TSPAN14: variants seen among roughly 807,000 people sequenced by gnomAD.
TSPAN14 encodes tetraspanin-14.
In TSPAN14, 16 loss-of-function variants were observed where a neutral mutation model predicts 36.6. The ratio of observed to expected loss-of-function variants is 0.44; its 90% CI spans 0.30 to 0.66. TSPAN14 has a LOEUF of 0.66. Ranked by LOEUF, TSPAN14 falls within the 30% of genes least tolerant of loss-of-function variation. The pLI is 0.12. For missense variants in TSPAN14, 231 were observed against 355.1 expected (o/e 0.65, Z 2.81); for synonymous variants, 139 against 143.8 (o/e 0.97, Z 0.24).
intron 1 of TSPAN14, among the ~76,000 whole-genome samples, chr10:80,470,423 G>A (rs748875880): frequency 2.6e-5 from 4 of 152,226 alleles, no homozygotes; most frequent in Non-Finnish European, 5.9e-5. Flanking sequence ...CTGAGGATGT[G>A]GAACCTGTGG....
chr10:80,492,253 A>G (rs916838966), intron 2 of TSPAN14, among the ~76,000 whole-genome samples: 21 of 152,198 alleles, frequency 1.4e-4, no homozygotes, highest in Admixed American at 5.2e-4. Flanking sequence ...TGTTCCCACC[A>G]TCTAGCTTAT....
intron 5 of TSPAN14, among the ~76,000 whole-genome samples, chr10:80,511,514 T>G (rs1840617600): frequency 6.6e-6 from 1 of 151,974 alleles, no homozygotes; most frequent in Non-Finnish European, 1.5e-5. Flanking sequence ...AGGCGTCTCC[T>G]TTGAGGAGGC....
chr10:80,520,830 C>T (rs1363589986), exon 9 of TSPAN14: 1 of 533,248 alleles, frequency 1.9e-6, no homozygotes, highest in Admixed American at 1.9e-5. Context: ...TCTGTAGCAC[C>T]AGACACTGCA....
chr10:80,472,697 A>G (rs1009167377), intron 1 of TSPAN14, among the ~76,000 whole-genome samples: 4 of 152,236 alleles, frequency 2.6e-5, no homozygotes, highest in African/African-American at 9.6e-5. Flanking sequence ...TGTGCTACAC[A>G]TAACTTTTCC....
chr10:80,496,023 G>A (rs994292641), intron 2 of TSPAN14, among the ~76,000 whole-genome samples: 2 of 152,016 alleles, frequency 1.3e-5, no homozygotes, highest in Non-Finnish European at 2.9e-5. Flanking sequence ...AGGTGGTAGT[G>A]TCTCTGTTGT....
At chr10:80,470,033 A>G (rs1846456009) in intron 1 of TSPAN14, among the ~76,000 whole-genome samples, 1 of 152,186 alleles carries the variant, frequency 6.6e-6, no homozygotes. Flanking sequence ...ATTACTTATA[A>G]TAACTAATAC....
intron 1 of TSPAN14, among the ~76,000 whole-genome samples, chr10:80,481,527 A>G (rs544191585): frequency 6.6e-6 from 1 of 152,306 alleles, no homozygotes; most frequent in South Asian, 2.1e-4. Context: ...CCAGCACTGC[A>G]GTTTAATTAG....
intron 1 of TSPAN14, among the ~76,000 whole-genome samples, chr10:80,481,418 CAA>C (rs777981942): frequency 3.9e-5 from 6 of 152,152 alleles, no homozygotes; most frequent in Non-Finnish European, 7.4e-5. Flanking sequence ...GCAAACAAAA[CAA>C]GAAGTTGTAC....
chr10:80,515,156 T>C (rs935935937), intron 7 of TSPAN14, among the ~76,000 whole-genome samples: 3 of 152,270 alleles, frequency 2.0e-5, no homozygotes, highest in East Asian at 1.9e-4. Flanking sequence ...TTGCCACTTA[T>C]ATTAATTTGC....
chr10:80,458,876 A>G (rs1455814899), intron 1 of TSPAN14, among the ~76,000 whole-genome samples: 1 of 152,094 alleles, frequency 6.6e-6, no homozygotes, highest in Non-Finnish European at 1.5e-5. Flanking sequence ...GTGAAGATGA[A>G]TAACACTGTC....
chr10:80,520,558 TG>T, exon 9 of TSPAN14: 1 of 516,960 alleles, frequency 1.9e-6, no homozygotes. Context: ...TTTAAAGCCT[TG>T]GGGTCTTTCC....
At chr10:80,461,301 G>A (rs961534243) in intron 1 of TSPAN14, among the ~76,000 whole-genome samples, 9 of 152,146 alleles carry the variant, frequency 5.9e-5, no homozygotes, top group African/African-American at 2.2e-4. Flanking sequence ...AAAACCTGTC[G>A]GCTGTGGATG....
rs144759161 is a variant in TSPAN14 at position 80,500,314 on chromosome 10, C to CTTT, written c.82-4384_82-4382dup. On this transcript the variant is annotated intron_variant, in intron 2 of 8. Coordinates refer to ENST00000429989, the Ensembl canonical transcript of TSPAN14. ...AATGAAAACAACACAAGGCCTTATT[C>CTTT]TTTTTTTTTTTTTTTTTTTTTTTTT... 5.7e-3 allele frequency among the ~76,000 whole-genome samples: 274 copies of CTTT among 47,896 alleles called. 16 individuals carry two copies. The highest frequency in any genetic ancestry group is 8.0e-3 in the Non-Finnish European group (223 of 27,942). The allele number at this position is 47,896 out of a possible 152,430, so 31.4% of individuals were successfully genotyped here. A position where few individuals can be genotyped will look rare whatever the true frequency, so the allele number is the denominator to read the frequency against.
intron 3 of TSPAN14, among the ~76,000 whole-genome samples, chr10:80,505,455 A>G (rs1181575931): frequency 1.3e-5 from 2 of 152,184 alleles, no homozygotes; most frequent in African/African-American, 4.8e-5. Context: ...GGAGGGAAGC[A>G]GTAAGGTGGA....
intron 1 of TSPAN14, among the ~76,000 whole-genome samples, chr10:80,476,056 A>G (rs1370196560): frequency 1.3e-5 from 2 of 152,196 alleles, no homozygotes; most frequent in Admixed American, 6.5e-5. Flanking sequence ...CCATCTCCAG[A>G]TTACATAAAA....
chr10:80,489,178 C>T (rs1350756217), intron 1 of TSPAN14, 39 bp from the exon 2 acceptor site: 1 of 1,394,618 alleles, frequency 7.2e-7, no homozygotes, highest in South Asian at 1.2e-5. Flanking sequence ...GGTTTTAACG[C>T]TGAGCCTGCC....
chr10:80,520,667 C>G (rs1186544931), exon 9 of TSPAN14: 1 of 533,338 alleles, frequency 1.9e-6, no homozygotes, highest in Non-Finnish European at 3.8e-6. Flanking sequence ...CTTTCCCATC[C>G]TAAAAACTTG....
chr10:80,464,217 C>A (rs769107000), intron 1 of TSPAN14, among the ~76,000 whole-genome samples: 6 of 152,218 alleles, frequency 3.9e-5, no homozygotes, highest in Non-Finnish European at 7.3e-5. Context: ...GGATCGGCCT[C>A]CTTCTCTGGC....
At chr10:80,454,679 G>A (rs1030850303) in intron 1 of TSPAN14, among the ~76,000 whole-genome samples, 1 of 152,106 alleles carries the variant, frequency 6.6e-6, no homozygotes, top group African/African-American at 2.4e-5. Context: ...CGCCCCATCA[G>A]CGCGCCCCGG....
Sources: gnomAD v4.1 joint callset for allele counts (sites outside exome capture counted in the v4.1 genomes callset) on GRCh38, gnomAD v4.1.1 for gene constraint, MANE v1.5 for transcripts, NCBI Gene and HGNC (gene_info 2026-07-23, HGNC 2026-07-21) for gene names.